Variants in UAP1 observed in about 807,000 individuals in gnomAD.
UAP1 encodes the protein UDP-N-acetylhexosamine pyrophosphorylase.
In UAP1, 25 loss-of-function variants were observed where a neutral mutation model predicts 58.5. The observed-to-expected ratio is 0.43, with a 90% CI of 0.31 to 0.60. The LOEUF (loss-of-function observed/expected upper bound fraction) is 0.60, where lower values mean the gene tolerates loss of function less well. Among genes scored for constraint, UAP1 ranks in the 20% least tolerant of loss-of-function variants. UAP1 has a pLI of 0.11. For missense variants in UAP1, 575 were observed against 630.0 expected, an observed-to-expected ratio of 0.91 and a Z score of 0.93; for synonymous variants, 208 against 213.0, an observed-to-expected ratio of 0.98 and a Z score of 0.21.
chr1:162,586,515 C>T (rs910835914), intron 5 of UAP1, among the ~76,000 whole-genome samples: 1 of 152,058 alleles, frequency 6.6e-6, no homozygotes, highest in Non-Finnish European at 1.5e-5. Context: ...TAAATAGAAG[C>T]CAGGGTTTCA....
intron 10 of UAP1, among the ~76,000 whole-genome samples, chr1:162,598,369 C>G (rs1557983370): frequency 6.6e-6 from 1 of 152,202 alleles, no homozygotes; most frequent in African/African-American, 2.4e-5. Flanking sequence ...TGCATTTGTT[C>G]TGAATTCTTC....
At chr1:162,581,163 G>C in intron 4 of UAP1, 124 bp from the exon 5 acceptor site, 1 of 1,077,162 alleles carries the variant, frequency 9.3e-7, no homozygotes, top group Non-Finnish European at 1.3e-6. Flanking sequence ...TGGATATTCA[G>C]TTTTCTTGCC....
At chr1:162,580,319 G>A (rs1420747565) in intron 4 of UAP1, among the ~76,000 whole-genome samples, 1 of 152,144 alleles carries the variant, frequency 6.6e-6, no homozygotes, top group Non-Finnish European at 1.5e-5. Context: ...ATAATTGGTG[G>A]CATTAAATTC....
At chr1:162,573,202 A>G (rs1557967550) in intron 2 of UAP1, among the ~76,000 whole-genome samples, 2 of 152,074 alleles carry the variant, frequency 1.3e-5, no homozygotes, top group Non-Finnish European at 2.9e-5. Flanking sequence ...GTGTTTGGGA[A>G]GTTTTGGAGA....
Position 162,590,520 on chromosome 1 carries a change from G to C in UAP1, c.1358+9G>C, listed in dbSNP as rs1420386265. On this transcript the variant is annotated intron_variant, in intron 8 of 10. Coordinates refer to ENST00000271469, the Ensembl canonical transcript of UAP1. ...CTTCCAGCAATTCCCCGGTAAGTCA[G>C]TATCTTTTCTCTTTTGTATGAATCC... The C allele has an allele frequency of 3.8e-6, 6 of 1,590,818 alleles. No homozygotes were observed. Among genetic ancestry groups the C allele is most frequent in the Non-Finnish European group, 4.3e-6 (5 of 1,169,208 alleles).
At position 162,588,679 on chromosome 1, in the gene UAP1, C is replaced by T; in HGVS notation, c.1029-14C>T. ...CTGGAACGTGATTATATCTTTTCTC[C>T]TCCTGCTTCTTAGTGTTTATGAACC... On this transcript the variant is annotated splice_polypyrimidine_tract_variant and intron_variant, in intron 6 of 10. Coordinates refer to ENST00000271469, the Ensembl canonical transcript of UAP1. 1 of 1,590,998 alleles carries T rather than the reference C, an allele frequency of 6.3e-7. No homozygotes were observed. Among genetic ancestry groups the T allele is most frequent in the South Asian group, 1.2e-5 (1 of 86,550 alleles).
chr1:162,568,700 GGGTTTCAAAAA>G (rs923376972), intron 2 of UAP1, among the ~76,000 whole-genome samples: 8 of 152,094 alleles, frequency 5.3e-5, no homozygotes, highest in African/African-American at 1.9e-4. Context: ...CTTCTTCCCT[GGGTTTCAAAAA>G]GGCTACTATT....
At chr1:162,570,454 TTCTC>T (rs1187455793) in intron 2 of UAP1, among the ~76,000 whole-genome samples, 2 of 152,132 alleles carry the variant, frequency 1.3e-5, no homozygotes, top group African/African-American at 4.8e-5. Flanking sequence ...TCCTTTTGCT[TTCTC>T]TCTCCCTCTT....
chr1:162,566,140 G>A (rs1386035979), exon 2 of UAP1: 1 of 1,613,644 alleles, frequency 6.2e-7, no homozygotes, highest in South Asian at 1.1e-5. Context: ...TCTGGAATGA[G>A]CTTGAAGAAG....
At chr1:162,597,843 C>T (rs1350068492) in exon 10 of UAP1, 2 of 1,612,890 alleles carry the variant, frequency 1.2e-6, no homozygotes, top group African/African-American at 2.7e-5. Context: ...CTCCTCTTAT[C>T]TCCTATGCTG....
chr1:162,568,769 T>C (rs1335045266), intron 2 of UAP1, among the ~76,000 whole-genome samples: 1 of 152,240 alleles, frequency 6.6e-6, no homozygotes, highest in Non-Finnish European at 1.5e-5. Context: ...AGTATCCCAG[T>C]TGCCTATATT....
At chr1:162,589,172 AATATT>A (rs1655122026) in intron 7 of UAP1, among the ~76,000 whole-genome samples, 4 of 98,482 alleles carry the variant, frequency 4.1e-5, no homozygotes, top group African/African-American at 1.7e-4. Flanking sequence ...ATAATATATA[AATATT>A]ATATATAATA....
chr1:162,600,464 T>C (rs545148854), downstream of UAP1, among the ~76,000 whole-genome samples: 5 of 152,320 alleles, frequency 3.3e-5, no homozygotes, highest in South Asian at 4.1e-4. Context: ...ATGAAAAGAC[T>C]GAGCTTTATA....
intron 4 of UAP1, among the ~76,000 whole-genome samples, chr1:162,580,869 G>A (rs76158582): frequency 0.011 from 1,657 of 152,176 alleles, 34 homozygotes; most frequent in African/African-American, 0.038. Context: ...AAATACTTAC[G>A]TATTTTTGAG....
At chr1:162,592,755 A>G (rs1239511301) in exon 9 of UAP1, 22 of 1,550,396 alleles carry the variant, frequency 1.4e-5, no homozygotes, top group Non-Finnish European at 1.8e-5. Flanking sequence ...GGGAAGTCAG[A>G]GACCATCACA....
chr1:162,595,812 T>A (rs932478626), intron 9 of UAP1, among the ~76,000 whole-genome samples: 1 of 152,188 alleles, frequency 6.6e-6, no homozygotes, highest in African/African-American at 2.4e-5. Context: ...TGGGAGGCAG[T>A]GACTTAGCAG....
chr1:162,578,732 C>T (rs548609832), intron 3 of UAP1, among the ~76,000 whole-genome samples: 1 of 152,126 alleles, frequency 6.6e-6, no homozygotes, highest in Non-Finnish European at 1.5e-5. Flanking sequence ...AGACAGATAC[C>T]TCCTGTGGTA....
intron 2 of UAP1, among the ~76,000 whole-genome samples, chr1:162,569,928 T>A (rs1653744453): frequency 6.6e-6 from 1 of 152,080 alleles, no homozygotes; most frequent in East Asian, 1.9e-4. Flanking sequence ...GGCAGGAGGA[T>A]CATGAGGTCA....
exon 8 of UAP1, chr1:162,590,403 A>C: frequency 6.2e-7 from 1 of 1,613,762 alleles, no homozygotes; most frequent in Non-Finnish European, 8.5e-7. Flanking sequence ...GGGAAAGACA[A>C]CCCTACTACT....
Sources: gnomAD v4.1 joint callset for allele counts (sites outside exome capture counted in the v4.1 genomes callset) on GRCh38, gnomAD v4.1.1 for gene constraint, MANE v1.5 for transcripts, NCBI Gene and HGNC (gene_info 2026-07-23, HGNC 2026-07-21) for gene names.